The following STK33 variants were observed in gnomAD, a reference collection of about 807,000 sequenced individuals.
The protein encoded by STK33 is serine/threonine-protein kinase 33.
STK33 carries 52 observed loss-of-function variants against 58.0 expected under a neutral mutation model. The observed-to-expected ratio is 0.90, with a 90% CI of 0.72 to 1.13. The LOEUF is 1.13. Ranked by LOEUF, STK33 falls within the 50% of genes most tolerant of loss-of-function variation. The pLI is 0.00. For missense variants in STK33, 630 were observed against 604.2 expected (o/e 1.04, Z -0.45); for synonymous variants, 215 against 200.1 (o/e 1.07, Z -0.63).
intron 15 of STK33, among the ~76,000 whole-genome samples, chr11:8,408,574 G>A (rs1313045347): frequency 6.6e-5 from 10 of 152,166 alleles, no homozygotes; most frequent in Admixed American, 5.9e-4. Context: ...CAAATAACAG[G>A]TCAAGATTCA....
chr11:8,503,530 CTGAG>C (rs1197190506), intron 1 of STK33, among the ~76,000 whole-genome samples: 1 of 152,078 alleles, frequency 6.6e-6, no homozygotes, highest in Admixed American at 6.6e-5. Flanking sequence ...ATGCTCAAAC[CTGAG>C]TGACAAAACA....
At chr11:8,496,807 C>A (rs1229695546) in intron 1 of STK33, among the ~76,000 whole-genome samples, 1 of 152,024 alleles carries the variant, frequency 6.6e-6, no homozygotes, top group South Asian at 2.1e-4. Context: ...ATCTCCTCAC[C>A]TTGTGATCCA....
chr11:8,570,758 G>A (rs564576525), intron 1 of STK33, among the ~76,000 whole-genome samples: 4 of 152,264 alleles, frequency 2.6e-5, no homozygotes, highest in Admixed American at 2.6e-4. Context: ...AATTTTGGGG[G>A]GGTGATGGAT....
At chr11:8,524,125 CT>C (rs1262834221) in intron 1 of STK33, among the ~76,000 whole-genome samples, 1 of 152,104 alleles carries the variant, frequency 6.6e-6, no homozygotes, top group Non-Finnish European at 1.5e-5. Flanking sequence ...CAGCATGCTC[CT>C]TAAGAGTCAT....
At chr11:8,414,766 C>T (rs1292048903) in intron 14 of STK33, among the ~76,000 whole-genome samples, 1 of 152,164 alleles carries the variant, frequency 6.6e-6, no homozygotes. Flanking sequence ...ACGTTCATAA[C>T]ATCCCATTAC....
At chr11:8,544,970 C>T (rs1955803616) in intron 1 of STK33, among the ~76,000 whole-genome samples, 1 of 152,156 alleles carries the variant, frequency 6.6e-6, no homozygotes, top group Non-Finnish European at 1.5e-5. Context: ...AAAACCATGA[C>T]ACGGTCCTGC....
At chr11:8,546,368 C>T (rs1407425836) in intron 1 of STK33, among the ~76,000 whole-genome samples, 2 of 152,132 alleles carry the variant, frequency 1.3e-5, no homozygotes, top group Admixed American at 1.3e-4. Flanking sequence ...CATACATTCA[C>T]ACAATGTGTA....
chr11:8,354,572 G>GAAGCAACTGGGGAGGTGACTTGA, the STK33 span, among the ~76,000 whole-genome samples: 17 of 150,100 alleles, frequency 1.1e-4, no homozygotes, highest in Non-Finnish European at 2.2e-4. Flanking sequence ...ACAGGTCTAG[G>GAAGCAACTGGGGAGGTGACTTGA]AAGCAACTGG....
intron 15 of STK33, among the ~76,000 whole-genome samples, chr11:8,396,628 T>C (rs1849392446): frequency 6.6e-6 from 1 of 152,066 alleles, no homozygotes; most frequent in Admixed American, 6.6e-5. Flanking sequence ...GGACAGTGGG[T>C]GCAGCGCACC....
intron 1 of STK33, among the ~76,000 whole-genome samples, chr11:8,588,645 TA>T (rs2032102684): frequency 6.6e-6 from 1 of 152,168 alleles, no homozygotes; most frequent in Admixed American, 6.5e-5. Context: ...ATATGGCACC[TA>T]AACCAAATAA....
intron 15 of STK33, among the ~76,000 whole-genome samples, chr11:8,400,635 G>A (rs1350636648): frequency 6.6e-6 from 1 of 152,194 alleles, no homozygotes; most frequent in Non-Finnish European, 1.5e-5. Flanking sequence ...TCAGGCAGGA[G>A]AAGGAAATAA....
intron 1 of STK33, among the ~76,000 whole-genome samples, chr11:8,593,500 G>A (rs973556297): frequency 3.3e-5 from 5 of 152,186 alleles, no homozygotes; most frequent in Admixed American, 3.3e-4. Flanking sequence ...GACCTTGTGA[G>A]AAATTATAAT....
rs540563249 is a variant in STK33 at position 8,520,774 on chromosome 11, A to C, written c.-465-40160T>G. Among the ~76,000 whole-genome samples the C allele has an allele frequency of 3.3e-5, 5 of 152,280 alleles. No homozygotes were observed. The South Asian group carries it at 1.0e-3, about 32-fold the overall frequency. On this transcript the variant is annotated intron_variant, in intron 1 of 15. Coordinates refer to ENST00000687296, the MANE Select transcript of STK33 (RefSeq NM_001352389.2). ...TTCAAAGAGAATAAAAAACCTAGGA[A>C]TCCAACCTACAAGGGATGTGAAGGA...
At chr11:8,410,475 T>TTC (rs1940044322) in intron 15 of STK33, among the ~76,000 whole-genome samples, 1 of 137,934 alleles carries the variant, frequency 7.2e-6, no homozygotes, top group East Asian at 2.0e-4. Context: ...CTTTTCTTTT[T>TTC]TTTTTTTTTT....
At chr11:8,408,844 G>C (rs991514117) in intron 15 of STK33, among the ~76,000 whole-genome samples, 2 of 152,182 alleles carry the variant, frequency 1.3e-5, no homozygotes, top group African/African-American at 4.8e-5. Context: ...CTCTCCCAGG[G>C]GAGTTGCAGA....
chr11:8,489,558 C>G (rs1403524916), intron 1 of STK33, among the ~76,000 whole-genome samples: 1 of 152,050 alleles, frequency 6.6e-6, no homozygotes, highest in African/African-American at 2.4e-5. Context: ...AGTGAGGAAA[C>G]CAGGCCAAAC....
chr11:8,415,838 C>A (rs1272334540), intron 14 of STK33, among the ~76,000 whole-genome samples: 2 of 152,120 alleles, frequency 1.3e-5, no homozygotes, highest in Non-Finnish European at 2.9e-5. Context: ...CTGCACAGTC[C>A]TGATATGCCT....
chr11:8,352,817 A>G, the STK33 span, among the ~76,000 whole-genome samples: 15 of 152,326 alleles, frequency 9.8e-5, no homozygotes, highest in African/African-American at 3.6e-4. Context: ...TAACCATTCT[A>G]GGTTAAGAGT....
intron 14 of STK33, among the ~76,000 whole-genome samples, chr11:8,434,953 T>C (rs1943883711): frequency 6.6e-6 from 1 of 152,234 alleles, no homozygotes; most frequent in African/African-American, 2.4e-5. Flanking sequence ...AAGTTCCTGC[T>C]GTGGCCAGGT....
Sources: gnomAD v4.1 joint callset for allele counts (sites outside exome capture counted in the v4.1 genomes callset) on GRCh38, gnomAD v4.1.1 for gene constraint, MANE v1.5 for transcripts, NCBI Gene and HGNC (gene_info 2026-07-23, HGNC 2026-07-21) for gene names.